The following GALNT13 variants were observed in gnomAD, a reference collection of about 807,000 sequenced individuals.
GALNT13 encodes the protein polypeptide N-acetylgalactosaminyltransferase 13, also known as UDP-GalNAc:polypeptide N-acetylgalactosaminyltransferase 13.
GALNT13 carries 28 observed loss-of-function variants against 64.2 expected under a neutral mutation model. That is an observed-to-expected ratio of 0.44 (90% CI 0.32 to 0.60). GALNT13 has a LOEUF of 0.60. Ranked by LOEUF, GALNT13 falls within the 20% of genes least tolerant of loss-of-function variation. The probability of loss-of-function intolerance (pLI) is 0.05; values close to 1 mark genes in which losing one functional copy is unlikely to be tolerated. For missense variants in GALNT13, 577 were observed against 669.8 expected (o/e 0.86, Z 1.53); for synonymous variants, 214 against 224.6 (o/e 0.95, Z 0.42).
the GALNT13 span, among the ~76,000 whole-genome samples, chr2:153,861,854 C>T: frequency 1.3e-5 from 2 of 152,136 alleles, no homozygotes; most frequent in African/African-American, 4.8e-5. Flanking sequence ...ACTGGGATTA[C>T]AGGCATGAGC....
At position 154,336,218 on chromosome 2, in the gene GALNT13, G is replaced by A. The variant is rs538702779; in HGVS notation, c.1156+34629G>A. 1.6e-3 allele frequency among the ~76,000 whole-genome samples: 247 copies of A among 152,140 alleles called. 2 individuals carry two copies. Among genetic ancestry groups the A allele is most frequent in the African/African-American group, 5.9e-3 (243 of 41,534 alleles). ...CAGACTGTGTGGGGCAATCCAAATG[G>A]TTAATGGTAGAGATATTTTAAATAA... is the stretch of plus-strand genomic sequence containing the variant. On this transcript the variant is annotated intron_variant, in intron 9 of 12. Transcript: ENST00000392825.
intron 4 of GALNT13, among the ~76,000 whole-genome samples, chr2:154,142,570 A>AG (rs1485596421): frequency 1.3e-5 from 2 of 150,540 alleles, no homozygotes; most frequent in African/African-American, 2.4e-5. Flanking sequence ...AAAAAAAAAA[A>AG]AAAGAAAGGA....
the GALNT13 span, among the ~76,000 whole-genome samples, chr2:153,210,374 C>T: frequency 6.6e-6 from 1 of 152,076 alleles, no homozygotes. Context: ...TAAATTTGGT[C>T]AAATGCATTT....
intron 3 of GALNT13, among the ~76,000 whole-genome samples, chr2:153,987,540 A>T (rs965153931): frequency 6.6e-6 from 1 of 151,938 alleles, no homozygotes; most frequent in Admixed American, 6.6e-5. Context: ...ATGTTCCCAT[A>T]GTAAAGCCTA....
the GALNT13 span, among the ~76,000 whole-genome samples, chr2:153,226,167 C>T: frequency 2.0e-5 from 3 of 151,890 alleles, no homozygotes; most frequent in Non-Finnish European, 2.9e-5. Flanking sequence ...CTCCTGACCT[C>T]GTGATCCACC....
chr2:153,858,075 G>C, the GALNT13 span, among the ~76,000 whole-genome samples: 3 of 152,258 alleles, frequency 2.0e-5, no homozygotes, highest in African/African-American at 7.2e-5. Flanking sequence ...AAATCAACTA[G>C]GAAAGAGAGA....
the GALNT13 span, chr2:153,478,366 A>C: frequency 6.2e-7 from 1 of 1,613,060 alleles, no homozygotes; most frequent in South Asian, 1.1e-5. Context: ...GACCACGGTG[A>C]GTGAGAGCAC....
the GALNT13 span, among the ~76,000 whole-genome samples, chr2:153,677,451 G>C: frequency 6.6e-6 from 1 of 151,700 alleles, no homozygotes; most frequent in African/African-American, 2.4e-5. Flanking sequence ...TGAATAAAAA[G>C]AATCAATATT....
At chr2:153,311,934 G>A in the GALNT13 span, among the ~76,000 whole-genome samples, 1 of 152,186 alleles carries the variant, frequency 6.6e-6, no homozygotes, top group South Asian at 2.1e-4. Context: ...AATGGATAAG[G>A]TAAGATGCTG....
intron 8 of GALNT13, among the ~76,000 whole-genome samples, chr2:154,290,632 C>T (rs1692555170): frequency 6.6e-6 from 1 of 152,150 alleles, no homozygotes. Flanking sequence ...GAAGCTGGGC[C>T]AATCCTCAGT....
the GALNT13 span, among the ~76,000 whole-genome samples, chr2:153,506,541 T>G: frequency 1.1e-4 from 16 of 152,212 alleles, no homozygotes; most frequent in African/African-American, 3.9e-4. Context: ...TTAGTAGTGA[T>G]GAATTCTCTC....
chr2:153,724,283 A>T, the GALNT13 span, among the ~76,000 whole-genome samples: 2 of 141,882 alleles, frequency 1.4e-5, no homozygotes, highest in East Asian at 4.1e-4. Context: ...TCCTTTCCTT[A>T]CACCTTATAC....
At chr2:153,342,442 C>T in the GALNT13 span, among the ~76,000 whole-genome samples, 1 of 152,192 alleles carries the variant, frequency 6.6e-6, no homozygotes, top group Non-Finnish European at 1.5e-5. Flanking sequence ...TCCTAATGAG[C>T]AGTGGTGTTC....
chr2:154,046,825 C>T (rs1222643186), intron 3 of GALNT13, among the ~76,000 whole-genome samples: 2 of 152,062 alleles, frequency 1.3e-5, no homozygotes, highest in African/African-American at 4.8e-5. Context: ...CTTCTGCAAG[C>T]CAATGAGAGA....
chr2:154,312,475 T>A (rs561158351), intron 9 of GALNT13, among the ~76,000 whole-genome samples: 125 of 152,342 alleles, frequency 8.2e-4, no homozygotes, highest in African/African-American at 3.0e-3. Flanking sequence ...TACTTTTATC[T>A]ATTCATAGAT....
At position 154,043,455 on chromosome 2, in the gene GALNT13, T is replaced by TACACATACAC. The variant is rs1553470482; in HGVS notation, c.143-96877_143-96876insTACACACACA. On this transcript the variant is annotated intron_variant, in intron 3 of 12. Transcript: ENST00000392825. The stretch of plus-strand genomic sequence containing the variant: ...ATATATATATATATATATATATATA[T>TACACATACAC]ACACACATGTATACATAAAAACATG... Among the ~76,000 whole-genome samples the TACACATACAC allele has an allele frequency of 2.9e-4, 30 of 104,998 alleles. 2 individuals carry two copies. Among genetic ancestry groups the TACACATACAC allele is most frequent in the Non-Finnish European group, 4.9e-4 (27 of 55,482 alleles). 68.9% of individuals were successfully genotyped at this position (104,998 alleles called of 152,430 possible).
At chr2:154,438,828 C>A in intron 12 of GALNT13, 102 bp downstream of exon 12, 1 of 935,548 alleles carries the variant, frequency 1.1e-6, no homozygotes, top group Non-Finnish European at 1.6e-6. Context: ...TCTACATTGG[C>A]AGAATTAGAT....
At chr2:153,778,185 G>T in the GALNT13 span, among the ~76,000 whole-genome samples, 1 of 152,130 alleles carries the variant, frequency 6.6e-6, no homozygotes, top group Non-Finnish European at 1.5e-5. Flanking sequence ...TCGATGTCCA[G>T]CTGTCTGTGT....
chr2:153,345,718 T>TTTCTGTCCGTCC, the GALNT13 span, among the ~76,000 whole-genome samples: 1 of 45,206 alleles, frequency 2.2e-5, no homozygotes, highest in Non-Finnish European at 5.3e-5. Flanking sequence ...TCTCTCTTTC[T>TTTCTGTCCGTCC]GTCCTTCCTT....
Sources: allele counts gnomAD v4.1 joint callset (sites outside exome capture counted in the v4.1 genomes callset), GRCh38; gene constraint gnomAD v4.1.1; transcripts MANE v1.5; gene names NCBI Gene and HGNC (gene_info 2026-07-23, HGNC 2026-07-21).